ADAMTSL1: variants seen among roughly 807,000 people sequenced by gnomAD.
The protein encoded by ADAMTSL1 is ADAMTS-like protein 1.
In ADAMTSL1, 126 loss-of-function variants were observed where a neutral mutation model predicts 201.8. The observed-to-expected ratio is 0.62, with a 90% CI of 0.54 to 0.72. The LOEUF (loss-of-function observed/expected upper bound fraction) is 0.72, where lower values mean the gene tolerates loss of function less well. ADAMTSL1 is among the 30% of genes least tolerant of loss of function. The probability of loss-of-function intolerance (pLI) is 0.00; values close to 1 mark genes in which losing one functional copy is unlikely to be tolerated. For missense variants in ADAMTSL1, 2,679 were observed against 2,277.8 expected, an observed-to-expected ratio of 1.18 and a Z score of -3.59; for synonymous variants, 1,121 against 903.4, an observed-to-expected ratio of 1.24 and a Z score of -4.32.
At chr9:17,937,865 T>A (rs750945157) in intron 1 of ADAMTSL1, among the ~76,000 whole-genome samples, 1 of 152,196 alleles carries the variant, frequency 6.6e-6, no homozygotes, top group Non-Finnish European at 1.5e-5. Flanking sequence ...TAATGGTGTT[T>A]TACAATTCAT....
At chr9:18,397,067 T>G (rs1187259893) in intron 2 of ADAMTSL1, among the ~76,000 whole-genome samples, 4 of 145,792 alleles carry the variant, frequency 2.7e-5, no homozygotes. Flanking sequence ...TGGGATCTAC[T>G]ATTTTTTAAC....
intron 15 of ADAMTSL1, among the ~76,000 whole-genome samples, chr9:18,737,140 G>A (rs1818545320): frequency 6.6e-6 from 1 of 152,038 alleles, no homozygotes; most frequent in African/African-American, 2.4e-5. Flanking sequence ...CCAACATGGA[G>A]AAACCTTGTC....
chr9:18,791,854 AC>A (rs1406360061), intron 19 of ADAMTSL1, among the ~76,000 whole-genome samples: 1 of 152,138 alleles, frequency 6.6e-6, no homozygotes, highest in East Asian at 1.9e-4. Flanking sequence ...TCAAATCCTT[AC>A]CACTCTGTGC....
intron 2 of ADAMTSL1, among the ~76,000 whole-genome samples, chr9:18,174,654 G>A (rs1426629488): frequency 6.6e-6 from 1 of 152,082 alleles, no homozygotes; most frequent in Admixed American, 6.6e-5. Context: ...AGAGTAGGTA[G>A]AAATTTGCAT....
At chr9:18,782,236 G>A (rs1821435659) in intron 19 of ADAMTSL1, among the ~76,000 whole-genome samples, 1 of 152,224 alleles carries the variant, frequency 6.6e-6, no homozygotes, top group East Asian at 1.9e-4. Flanking sequence ...TAAGTGCTAA[G>A]AAAGAGGTAT....
chr9:18,474,606 T>C (rs1374026907), intron 1 of ADAMTSL1, among the ~76,000 whole-genome samples: 2 of 152,118 alleles, frequency 1.3e-5, no homozygotes, highest in Non-Finnish European at 2.9e-5. Flanking sequence ...TGGTGGTGTG[T>C]ATGCTTGGAA....
chr9:18,349,898 T>C (rs1563904532), intron 2 of ADAMTSL1, among the ~76,000 whole-genome samples: 1 of 151,818 alleles, frequency 6.6e-6, no homozygotes, highest in Admixed American at 6.6e-5. Context: ...TGCTTTCTAT[T>C]AGGTTGGTGC....
At chr9:18,180,872 T>C (rs201289206) in intron 2 of ADAMTSL1, among the ~76,000 whole-genome samples, 14 of 152,204 alleles carry the variant, frequency 9.2e-5, no homozygotes, top group South Asian at 8.3e-4. Context: ...ATCACACTAC[T>C]TGACTTCAAA....
chr9:18,166,301 G>A (rs1273262815), intron 2 of ADAMTSL1, among the ~76,000 whole-genome samples: 1 of 151,826 alleles, frequency 6.6e-6, no homozygotes, highest in Non-Finnish European at 1.5e-5. Flanking sequence ...CAAATGAATA[G>A]AGAATAGTCG....
rs115223087 is a variant in ADAMTSL1, at chr9:18,848,769, G to T, written c.4249+18792G>T. Among the ~76,000 whole-genome samples, 192 of 152,318 alleles carry T rather than the reference G, an allele frequency of 1.3e-3. 1 individual carries two copies. The highest frequency in any genetic ancestry group is 4.4e-3 in the African/African-American group (182 of 41,572). ...TGTTGGCTATAAGGCCCCTGTTGCG[G>T]GTATTCAACTCTGCAGTTGAAAAGT... On this transcript the variant is annotated intron_variant, in intron 23 of 28. Coordinates refer to ENST00000380548, the MANE Select transcript of ADAMTSL1 (RefSeq NM_001040272.6).
rs10659731 is a variant in ADAMTSL1 at position 18,768,455 on chromosome 9, C to CTTT, written c.2218-2130_2218-2128dup. Among the ~76,000 whole-genome samples the CTTT allele has an allele frequency of 2.3e-3, 266 of 116,960 alleles. 14 individuals carry two copies. Among genetic ancestry groups the CTTT allele is most frequent in the East Asian group, 5.3e-3 (21 of 3,990 alleles). 76.7% of individuals were successfully genotyped at this position (116,960 alleles called of 152,430 possible). ...GATTGTTTACCTCTCTGAGCCTCAG[C>CTTT]TTTTTTTTTTTTTTTTTTTCTGTAA... On this transcript the variant is annotated intron_variant, in intron 16 of 28. Transcript: ENST00000380548.
rs374768618 is a variant in ADAMTSL1 at position 18,775,876 on chromosome 9, G to A, written c.2531G>A (p.Cys844Tyr). 4.4e-6 allele frequency: 7 copies of A among 1,598,530 alleles called. No homozygotes were observed. In the Middle Eastern group the frequency reaches 5.0e-4, roughly 113 times the overall value. ...PLPFSSSIRP[C>Y]MLATCARPGR... is the part of the protein sequence containing the mutation. ...CCTTTCTCTTCCTCCATCAGGCCCT[G>A]TATGCTGGCAACCTGTGCAAGTAAG... Residue 844 changes from cysteine to tyrosine, a missense_variant, in exon 18 of 29, where the codon TGT becomes TAT. Coordinates refer to ENST00000380548, the MANE Select transcript of ADAMTSL1 (RefSeq NM_001040272.6).
intron 2 of ADAMTSL1, among the ~76,000 whole-genome samples, chr9:18,186,562 A>T (rs1828743888): frequency 6.6e-6 from 1 of 152,152 alleles, no homozygotes; most frequent in African/African-American, 2.4e-5. Flanking sequence ...TAGACTTTGC[A>T]TTTCAGTCCC....
chr9:18,065,234 G>T (rs1586972589), intron 1 of ADAMTSL1, among the ~76,000 whole-genome samples: 1 of 152,028 alleles, frequency 6.6e-6, no homozygotes, highest in South Asian at 2.1e-4. Flanking sequence ...TCTCTGTTGG[G>T]ATGTACATGC....
In ADAMTSL1 at chr9:17,924,644, T is replaced by C. The variant is rs1260096766; in HGVS notation, c.87+17722T>C. Among the ~76,000 whole-genome samples, 3 of 148,984 alleles carry C rather than the reference T, an allele frequency of 2.0e-5. No homozygotes were observed. In the East Asian group the frequency reaches 6.0e-4, roughly 30 times the overall value. On this transcript the variant is annotated intron_variant, in intron 1 of 29. Coordinates refer to the ADAMTSL1 transcript ENST00000680146. ...AATAAATGGTGCTGGGAAAACTGGC[T>C]AGCCATATGTAGGAAGCTGAAACTG...
chr9:18,057,202 A>G (rs978232046), intron 1 of ADAMTSL1, among the ~76,000 whole-genome samples: 1 of 152,146 alleles, frequency 6.6e-6, no homozygotes, highest in African/African-American at 2.4e-5. Flanking sequence ...ATTTGCCACA[A>G]AAAGAATTAC....
intron 2 of ADAMTSL1, among the ~76,000 whole-genome samples, chr9:18,332,460 C>CT (rs144580472): frequency 0.081 from 12,342 of 151,924 alleles, 686 homozygotes; most frequent in Non-Finnish European, 0.12. Flanking sequence ...AGTTTTCCTC[C>CT]TTTTTTTAGA....
At chr9:18,216,049 A>G (rs899685227) in intron 2 of ADAMTSL1, among the ~76,000 whole-genome samples, 1 of 152,310 alleles carries the variant, frequency 6.6e-6, no homozygotes, top group South Asian at 2.1e-4. Flanking sequence ...TCCTGGAAAC[A>G]TTTCCAAATT....
At chr9:18,080,740 T>C (rs1587000835) in intron 1 of ADAMTSL1, among the ~76,000 whole-genome samples, 1 of 152,244 alleles carries the variant, frequency 6.6e-6, no homozygotes, top group Admixed American at 6.5e-5. Context: ...AGGCACTAAG[T>C]GATTTGCCTA....
Sources: allele counts gnomAD v4.1 joint callset (sites outside exome capture counted in the v4.1 genomes callset), GRCh38; gene constraint gnomAD v4.1.1; transcripts MANE v1.5; gene names NCBI Gene and HGNC (gene_info 2026-07-23, HGNC 2026-07-21).